The following GABRB1 variants were observed in gnomAD, a reference collection of about 807,000 sequenced individuals.
GABRB1 encodes the protein gamma-aminobutyric acid receptor subunit beta-1.
A neutral mutation model predicts 51.6 loss-of-function variants in GABRB1; 17 were observed. The ratio of observed to expected loss-of-function variants is 0.33; its 90% CI spans 0.23 to 0.49. GABRB1 has a LOEUF of 0.49. Ranked by LOEUF, GABRB1 falls within the 20% of genes least tolerant of loss-of-function variation. The pLI is 0.99. For missense variants in GABRB1, 410 were observed against 600.6 expected (o/e 0.68, Z 3.32); for synonymous variants, 247 against 218.9 (o/e 1.13, Z -1.14).
intron 4 of GABRB1, among the ~76,000 whole-genome samples, chr4:47,261,117 G>T (rs562854451): frequency 2.0e-5 from 3 of 152,150 alleles, no homozygotes; most frequent in Non-Finnish European, 4.4e-5. Flanking sequence ...AAAACTGGAC[G>T]CATTCCCTTT....
At position 47,308,137 on chromosome 4, in the gene GABRB1, A is replaced by G. The variant is rs12641169; in HGVS notation, c.462-11990A>G. 5.7e-3 allele frequency among the ~76,000 whole-genome samples: 863 copies of G among 152,168 alleles called. 15 individuals carry two copies. In the East Asian group the frequency reaches 0.073, roughly 13 times the overall value. On this transcript the variant is annotated intron_variant, in intron 4 of 8. Transcript: ENST00000295454. ...TTTTAAACTGACAAAATTGAAAGCC[A>G]CCTAAATGTTCAATTTAAAGTATAC... is the stretch of plus-strand genomic sequence containing the variant.
Position 47,222,927 on chromosome 4 carries a change from T to C in GABRB1, c.461+61458T>C, listed in dbSNP as rs142519407. 1.7e-3 allele frequency among the ~76,000 whole-genome samples: 261 copies of C among 152,248 alleles called. 1 individual carries two copies. The highest frequency in any genetic ancestry group is 3.1e-3 in the Non-Finnish European group (208 of 68,014). ...TTCATTTCTCTCTTAGGTTTTGTATTATAATTGTTTCTTCTAGATTTTTAG... is the reference window on the plus strand; with the variant it reads ...TTCATTTCTCTCTTAGGTTTTGTATCATAATTGTTTCTTCTAGATTTTTAG... On this transcript the variant is annotated intron_variant, in intron 4 of 8. Transcript: ENST00000295454.
chr4:47,143,451 G>GCACA (rs1199662303), intron 3 of GABRB1, among the ~76,000 whole-genome samples: 1 of 151,600 alleles, frequency 6.6e-6, no homozygotes, highest in Non-Finnish European at 1.5e-5. Flanking sequence ...GGAGGAACAG[G>GCACA]CACACACACA....
chr4:47,149,468 T>C (rs1430885556), intron 3 of GABRB1, among the ~76,000 whole-genome samples: 62 of 152,034 alleles, frequency 4.1e-4, no homozygotes, highest in Admixed American at 4.0e-3. Flanking sequence ...AGTTGATAAA[T>C]TTTCTCTACA....
At chr4:47,271,539 G>C (rs935813674) in intron 4 of GABRB1, among the ~76,000 whole-genome samples, 2 of 152,126 alleles carry the variant, frequency 1.3e-5, no homozygotes, top group African/African-American at 2.4e-5. Flanking sequence ...AATCAGTCCT[G>C]GCCCAGGTGG....
chr4:47,111,924 G>A (rs1056171693), intron 3 of GABRB1, among the ~76,000 whole-genome samples: 1 of 151,392 alleles, frequency 6.6e-6, no homozygotes, highest in Non-Finnish European at 1.5e-5. Context: ...ACACATTAAA[G>A]GTCCTATTTT....
At chr4:47,139,274 C>T (rs1716811152) in intron 3 of GABRB1, among the ~76,000 whole-genome samples, 1 of 151,974 alleles carries the variant, frequency 6.6e-6, no homozygotes, top group South Asian at 2.1e-4. Flanking sequence ...ATTGCTCAGA[C>T]CTCAGCAAAG....
At chr4:47,068,074 G>C (rs1727162622) in intron 3 of GABRB1, among the ~76,000 whole-genome samples, 1 of 152,194 alleles carries the variant, frequency 6.6e-6, no homozygotes, top group South Asian at 2.1e-4. Context: ...TTTTATGGCT[G>C]TATAGTATTC....
chr4:47,277,273 C>T (rs953800906), intron 4 of GABRB1, among the ~76,000 whole-genome samples: 41 of 151,996 alleles, frequency 2.7e-4, no homozygotes, highest in African/African-American at 9.2e-4. Context: ...GGAAGACAAA[C>T]ATCACATGTT....
chr4:47,010,106 T>G (rs1308329542), intron 1 of GABRB1, among the ~76,000 whole-genome samples: 4 of 152,188 alleles, frequency 2.6e-5, no homozygotes, highest in Non-Finnish European at 5.9e-5. Context: ...TCAGCCAGCC[T>G]TTGCTTTGGT....
At chr4:47,359,326 G>T (rs1043889351) in intron 5 of GABRB1, among the ~76,000 whole-genome samples, 6 of 152,106 alleles carry the variant, frequency 3.9e-5, no homozygotes, top group African/African-American at 1.4e-4. Context: ...GTTATTCAGT[G>T]TTTAGAAAAG....
rs1423243536 is a variant in GABRB1, at chr4:47,102,586, G to T, written c.241-58663G>T. 2.0e-5 allele frequency among the ~76,000 whole-genome samples: 3 copies of T among 152,074 alleles called. No individual in the cohort carries two copies. In the East Asian group the frequency reaches 5.8e-4, roughly 29 times the overall value. ...AGCCTAAGTTGAGTCCTGAAGCACA[G>T]GTGGGAGTTACTCAGTTGAAGGAAA... On this transcript the variant is annotated intron_variant, in intron 3 of 8. Transcript: ENST00000295454.
chr4:47,221,250 A>G (rs1386126510), intron 4 of GABRB1, among the ~76,000 whole-genome samples: 1 of 151,986 alleles, frequency 6.6e-6, no homozygotes, highest in Non-Finnish European at 1.5e-5. Flanking sequence ...ATACTTTAGG[A>G]ACATCTCTCC....
intron 3 of GABRB1, among the ~76,000 whole-genome samples, chr4:47,084,976 G>A (rs1728003617): frequency 6.6e-6 from 1 of 151,960 alleles, no homozygotes; most frequent in Non-Finnish European, 1.5e-5. Flanking sequence ...TTAAGCTAAA[G>A]CCAAAAAAGG....
At chr4:47,303,607 A>G (rs1018879556) in intron 4 of GABRB1, among the ~76,000 whole-genome samples, 5 of 151,958 alleles carry the variant, frequency 3.3e-5, no homozygotes, top group Admixed American at 3.3e-4. Context: ...ATTTAAAGTT[A>G]CCTTTTTATC....
At chr4:47,348,671 TAGA>T (rs1560345116) in intron 5 of GABRB1, among the ~76,000 whole-genome samples, 1 of 152,200 alleles carries the variant, frequency 6.6e-6, no homozygotes, top group Non-Finnish European at 1.5e-5. Flanking sequence ...CCAGATTTTG[TAGA>T]AGTTTTGTCT....
At chr4:47,282,808 A>G (rs758549103) in intron 4 of GABRB1, among the ~76,000 whole-genome samples, 6 of 152,222 alleles carry the variant, frequency 3.9e-5, no homozygotes, top group Non-Finnish European at 5.9e-5. Flanking sequence ...TAATGTTGGA[A>G]CTAGTAAGGT....
At chr4:47,290,088 T>C (rs949847572) in intron 4 of GABRB1, among the ~76,000 whole-genome samples, 3 of 152,238 alleles carry the variant, frequency 2.0e-5, no homozygotes, top group African/African-American at 7.2e-5. Context: ...GGAAACTTAC[T>C]GTCTAGATTA....
intron 4 of GABRB1, among the ~76,000 whole-genome samples, chr4:47,215,115 C>A (rs933874876): frequency 6.6e-6 from 1 of 151,982 alleles, no homozygotes. Flanking sequence ...GTATAAGGAT[C>A]CCTAAAAGGA....
Sources: gnomAD v4.1 joint callset for allele counts (sites outside exome capture counted in the v4.1 genomes callset) on GRCh38, gnomAD v4.1.1 for gene constraint, MANE v1.5 for transcripts, NCBI Gene and HGNC (gene_info 2026-07-23, HGNC 2026-07-21) for gene names.